SKAP1: variants seen among roughly 807,000 people sequenced by gnomAD.
The protein encoded by SKAP1 is src kinase associated phosphoprotein 1.
In SKAP1, 44 loss-of-function variants were observed where a neutral mutation model predicts 58.5. The observed-to-expected ratio is 0.75, with a 90% CI of 0.59 to 0.97. SKAP1 has a LOEUF of 0.97. Among genes scored for constraint, SKAP1 ranks in the 50% least tolerant of loss-of-function variants. The pLI, the probability that SKAP1 is intolerant of heterozygous loss-of-function variation, is 0.00. For missense variants in SKAP1, 390 were observed against 435.2 expected, an observed-to-expected ratio of 0.90 and a Z score of 0.92; for synonymous variants, 127 against 149.7, an observed-to-expected ratio of 0.85 and a Z score of 1.11.
intron 4 of SKAP1, among the ~76,000 whole-genome samples, chr17:48,261,481 C>G (rs374213345): frequency 6.6e-6 from 1 of 152,048 alleles, no homozygotes; most frequent in Non-Finnish European, 1.5e-5. Context: ...CAGTAGGGGG[C>G]GTTTTACGCT....
chr17:48,377,131 T>C (rs1008391436), intron 2 of SKAP1: 4 of 151,854 alleles, frequency 2.6e-5, no homozygotes, highest in African/African-American at 9.7e-5. Context: ...GGCTGTGACG[T>C]CATGGAAAGA....
At chr17:48,437,916 G>A in the SKAP1 span, among the ~76,000 whole-genome samples, 7 of 151,964 alleles carry the variant, frequency 4.6e-5, no homozygotes, top group South Asian at 2.1e-4. Flanking sequence ...CCCTCCTTGC[G>A]TCCTTAATGT....
intron 11 of SKAP1, among the ~76,000 whole-genome samples, chr17:48,152,536 T>C (rs1171536836): frequency 6.6e-6 from 1 of 152,200 alleles, no homozygotes; most frequent in Non-Finnish European, 1.5e-5. Flanking sequence ...GAGCTGCTTG[T>C]TATAATACTG....
At chr17:48,171,118 T>A (rs1488593443) in intron 9 of SKAP1, among the ~76,000 whole-genome samples, 5 of 140,086 alleles carry the variant, frequency 3.6e-5, no homozygotes, top group African/African-American at 1.1e-4. Flanking sequence ...TTTTTTTTTT[T>A]AGGCAGAGTT....
At chr17:48,293,277 C>T (rs1047071469) in intron 4 of SKAP1, among the ~76,000 whole-genome samples, 4 of 152,138 alleles carry the variant, frequency 2.6e-5, no homozygotes, top group Non-Finnish European at 5.9e-5. Flanking sequence ...AGCTCAGATA[C>T]TTTCACTAAA....
intron 7 of SKAP1, among the ~76,000 whole-genome samples, chr17:48,183,174 C>A (rs1476799735): frequency 6.6e-6 from 1 of 151,984 alleles, no homozygotes; most frequent in Non-Finnish European, 1.5e-5. Context: ...GGGATTCTTT[C>A]AATAGTAGTG....
intron 2 of SKAP1, among the ~76,000 whole-genome samples, chr17:48,392,528 C>G (rs1377069673): frequency 6.6e-6 from 1 of 151,836 alleles, no homozygotes; most frequent in African/African-American, 2.4e-5. Flanking sequence ...CAAGAAGGGC[C>G]ATTGAGAGAG....
At chr17:48,442,211 G>A in the SKAP1 span, among the ~76,000 whole-genome samples, 11 of 152,158 alleles carry the variant, frequency 7.2e-5, no homozygotes. Context: ...GGGTGTGGTG[G>A]GGTGTGAGGT....
chr17:48,252,058 T>G (rs1463260165), intron 4 of SKAP1, among the ~76,000 whole-genome samples: 1 of 152,242 alleles, frequency 6.6e-6, no homozygotes, highest in African/African-American at 2.4e-5. Flanking sequence ...AAGAATTTAC[T>G]GTGCCTCTGC....
chr17:48,350,215 T>C (rs2066780985), intron 3 of SKAP1, among the ~76,000 whole-genome samples: 1 of 150,444 alleles, frequency 6.6e-6, no homozygotes, highest in Non-Finnish European at 1.5e-5. Flanking sequence ...GGTTTAAGCA[T>C]TAAAAAAAGT....
intron 10 of SKAP1, 101 bp from the exon 11 acceptor site, chr17:48,162,670 T>G (rs374996759): frequency 3.9e-6 from 3 of 779,044 alleles, no homozygotes; most frequent in South Asian, 1.7e-5. Context: ...ATATTGCCCC[T>G]AGGAAACCTC....
At chr17:48,276,630 C>A (rs1458563908) in intron 4 of SKAP1, among the ~76,000 whole-genome samples, 1 of 152,094 alleles carries the variant, frequency 6.6e-6, no homozygotes, top group Non-Finnish European at 1.5e-5. Context: ...CATGGTACTT[C>A]CCTAATCATT....
At chr17:48,247,884 C>A (rs779271817) in intron 4 of SKAP1, among the ~76,000 whole-genome samples, 4 of 152,182 alleles carry the variant, frequency 2.6e-5, no homozygotes, top group Non-Finnish European at 5.9e-5. Context: ...TGCTTATTTT[C>A]TTTATCACAC....
chr17:48,158,177 CA>C (rs55933327), intron 11 of SKAP1, among the ~76,000 whole-genome samples: 1,717 of 106,222 alleles, frequency 0.016, 17 homozygotes, highest in East Asian at 0.087. Context: ...AACTCTGTCT[CA>C]AAAAAAAAAA....
chr17:48,199,249 GT>G (rs1471965765), intron 4 of SKAP1, among the ~76,000 whole-genome samples: 1 of 152,132 alleles, frequency 6.6e-6, no homozygotes, highest in East Asian at 1.9e-4. Context: ...TCCTGTAATG[GT>G]TTTTTATTAC....
chr17:48,230,515 G>A (rs1160543707), intron 4 of SKAP1, among the ~76,000 whole-genome samples: 2 of 152,168 alleles, frequency 1.3e-5, no homozygotes, highest in Non-Finnish European at 2.9e-5. Context: ...AGCACTTTAG[G>A]AGGCTGAGGT....
At chr17:48,224,140 G>A (rs980821087) in intron 4 of SKAP1, among the ~76,000 whole-genome samples, 5 of 147,292 alleles carry the variant, frequency 3.4e-5, no homozygotes, top group African/African-American at 1.2e-4. Flanking sequence ...AACAGCACAA[G>A]CAAGAGCTTG....
chr17:48,269,481 T>A (rs2065599413), intron 4 of SKAP1, among the ~76,000 whole-genome samples: 1 of 152,152 alleles, frequency 6.6e-6, no homozygotes, highest in African/African-American at 2.4e-5. Flanking sequence ...GACCTGTATT[T>A]CCAGGCAGAG....
intron 3 of SKAP1, among the ~76,000 whole-genome samples, chr17:48,351,540 A>G (rs545694560): frequency 3.0e-4 from 45 of 152,232 alleles, no homozygotes; most frequent in Admixed American, 6.5e-4. Context: ...CATTAAGTCT[A>G]CAGAATAAAT....
Sources: gnomAD v4.1 joint callset for allele counts (sites outside exome capture counted in the v4.1 genomes callset) on GRCh38, gnomAD v4.1.1 for gene constraint, MANE v1.5 for transcripts, NCBI Gene and HGNC (gene_info 2026-07-23, HGNC 2026-07-21) for gene names.